The following PCDHGB6 variants were observed in gnomAD, a reference collection of about 807,000 sequenced individuals.
PCDHGB6 encodes the protein protocadherin gamma-B6.
In PCDHGB6, 51 loss-of-function variants were observed where a neutral mutation model predicts 59.1. The ratio of observed to expected loss-of-function variants is 0.86; its 90% CI spans 0.69 to 1.09. The LOEUF (loss-of-function observed/expected upper bound fraction) is 1.09, where lower values mean the gene tolerates loss of function less well. Among genes scored for constraint, PCDHGB6 ranks in the 50% least tolerant of loss-of-function variants. The pLI is 0.00. For synonymous variants in PCDHGB6, 466 were observed against 495.1 expected (o/e 0.94, Z 0.78); for missense variants, 1,148 against 1,205.1 (o/e 0.95, Z 0.70).
chr5:141,418,754 G>A (rs748707880), intron 1 of PCDHGB6: 1 of 1,613,926 alleles, frequency 6.2e-7, no homozygotes, highest in South Asian at 1.1e-5. Context: ...TTACACTACA[G>A]GAAACATTCT....
intron 1 of PCDHGB6, chr5:141,423,369 A>C: frequency 1.9e-6 from 3 of 1,614,104 alleles, no homozygotes; most frequent in Non-Finnish European, 2.5e-6. Flanking sequence ...TGCTGCTGGC[A>C]CTCAGGCTGT....
chr5:141,420,673 A>T (rs1244699899), intron 1 of PCDHGB6, among the ~76,000 whole-genome samples: 5 of 152,208 alleles, frequency 3.3e-5, no homozygotes, highest in Admixed American at 3.3e-4. Flanking sequence ...CTACCTGATG[A>T]TTTTATCGGG....
intron 1 of PCDHGB6, among the ~76,000 whole-genome samples, chr5:141,452,835 C>A (rs2098750110): frequency 6.6e-6 from 1 of 152,154 alleles, no homozygotes; most frequent in Admixed American, 6.5e-5. Flanking sequence ...TCACTTGGTC[C>A]AGCCCACACT....
chr5:141,474,518 G>T (rs1054372142), intron 1 of PCDHGB6, among the ~76,000 whole-genome samples: 1 of 152,168 alleles, frequency 6.6e-6, no homozygotes, highest in African/African-American at 2.4e-5. Context: ...CCTCTTGCTG[G>T]TCTGGCTAAT....
chr5:141,412,559 GTTTA>G (rs2095563108), intron 1 of PCDHGB6: 1 of 152,224 alleles, frequency 6.6e-6, no homozygotes, highest in Admixed American at 6.5e-5. Flanking sequence ...TATCTCATGA[GTTTA>G]TTTAATATAA....
At chr5:141,424,016 T>G in intron 1 of PCDHGB6, 16 of 1,038,360 alleles carry the variant, frequency 1.5e-5, no homozygotes, top group Non-Finnish European at 1.3e-5. Context: ...AAATTAATGA[T>G]TCACAAACAC....
At chr5:141,426,581 CCT>C (rs898552856) in intron 1 of PCDHGB6, 1 of 358,350 alleles carries the variant, frequency 2.8e-6, no homozygotes, top group Non-Finnish European at 5.6e-6. Flanking sequence ...TCTTCAAAAT[CCT>C]CTGTGTCATA....
chr5:141,509,421 A>T (rs939726886), intron 3 of PCDHGB6, among the ~76,000 whole-genome samples: 5 of 152,088 alleles, frequency 3.3e-5, no homozygotes, highest in Non-Finnish European at 1.5e-5. Context: ...AGCCCCAATG[A>T]GTCAAACTCT....
chr5:141,460,289 T>C, intron 1 of PCDHGB6, among the ~76,000 whole-genome samples: 1 of 152,148 alleles, frequency 6.6e-6, no homozygotes, highest in East Asian at 1.9e-4. Context: ...TTTGTATTTC[T>C]TATGTCCTAT....
chr5:141,415,081 C>A, intron 1 of PCDHGB6: 2 of 1,613,522 alleles, frequency 1.2e-6, no homozygotes, highest in Non-Finnish European at 1.7e-6. Flanking sequence ...GGCGCGAGCC[C>A]TGCTGGACAG....
At chr5:141,499,966 G>A (rs1403177792) in intron 2 of PCDHGB6, among the ~76,000 whole-genome samples, 1 of 151,988 alleles carries the variant, frequency 6.6e-6, no homozygotes, top group African/African-American at 2.4e-5. Flanking sequence ...GGGATTACAG[G>A]TGTGAGCCAC....
At chr5:141,434,830 C>A (rs7703679) in intron 1 of PCDHGB6, among the ~76,000 whole-genome samples, 45,467 of 151,546 alleles carry the variant, frequency 0.3, 8,050 homozygotes, top group African/African-American at 0.5. Flanking sequence ...GTACACTTGG[C>A]ATTTATAAAG....
intron 1 of PCDHGB6, chr5:141,478,676 G>A (rs540780497): frequency 6.4e-7 from 1 of 1,551,522 alleles, no homozygotes; most frequent in African/African-American, 1.4e-5. Flanking sequence ...CTTTCAACTG[G>A]CCCTTCCTAG....
Position 141,421,230 on chromosome 5 carries a change from G to A in PCDHGB6, c.2418+10610G>A, listed in dbSNP as rs530853994. 1.9e-6 allele frequency: 3 copies of A among 1,590,132 alleles called. No individual in the cohort carries two copies. The East Asian group carries it at 6.7e-5, about 36-fold the overall frequency. The stretch of plus-strand genomic sequence containing the variant: ...GGAATATCGGCTTAGAGCCTGCCAT[G>A]GCGAATCGGCTACAGCGCGGGGACC... On this transcript the variant is annotated intron_variant, in intron 1 of 3. Coordinates refer to ENST00000520790, the MANE Select transcript of PCDHGB6 (RefSeq NM_018926.3).
Position 141,409,704 on chromosome 5 carries a change from T to C in PCDHGB6, c.1502T>C (p.Val501Ala). ...IVASDLEPLA[V>A]SSYVSVSAQS... ...GCGAGTGACCTAGAGCCCCTGGCGG[T>C]GTCGTCATACGTGTCAGTGAGCGCG... The change falls in exon 1 of 4, where the codon GTG becomes GCG. Residue 501 changes from valine (V) to alanine (A), a missense_variant. This residue lies in a region of PCDHGB6 where 549 missense variants were observed against 527.5 expected (regional missense o/e 1.04). Transcript: ENST00000520790. 6.2e-7 allele frequency: 1 copy of C among 1,613,248 alleles called. No homozygotes were observed. Among genetic ancestry groups the C allele is most frequent in the South Asian group, 1.1e-5 (1 of 91,072 alleles).
intron 1 of PCDHGB6, among the ~76,000 whole-genome samples, chr5:141,481,171 C>G (rs927813327): frequency 6.6e-6 from 1 of 152,120 alleles, no homozygotes; most frequent in African/African-American, 2.4e-5. Flanking sequence ...AACCAGAATC[C>G]AGCTTTATTG....
Position 141,431,953 on chromosome 5 carries a change from C to G in PCDHGB6, c.2418+21333C>G. 1.2e-6 allele frequency: 2 copies of G among 1,614,082 alleles called. No individual in the cohort carries two copies. Among genetic ancestry groups the G allele is most frequent in the East Asian group, 4.5e-5 (2 of 44,886 alleles). ...TGCCCTTTAAATTAGAAAAATCTTA[C>G]GGAAATTACTATAGTTTAGTCACAG... On this transcript the variant is annotated intron_variant, in intron 1 of 3. Transcript: ENST00000520790. The surrounding 1 kb of genome is among the most constrained non-coding windows in gnomAD (Gnocchi z 4.8).
Position 141,490,896 on chromosome 5 carries a change from G to A in PCDHGB6, c.2419-3911G>A. 6.2e-7 allele frequency: 1 copy of A among 1,613,938 alleles called. No homozygotes were observed. Among genetic ancestry groups the A allele is most frequent in the Non-Finnish European group, 8.5e-7 (1 of 1,179,922 alleles). ...TGCATGCCAACACATCTCTGCATGTGTTTGTCCTAGACGAGAATGATAATG... is the reference window on the plus strand; with the variant it reads ...TGCATGCCAACACATCTCTGCATGTATTTGTCCTAGACGAGAATGATAATG... On this transcript the variant is annotated intron_variant, in intron 1 of 3. Coordinates refer to ENST00000520790, the MANE Select transcript of PCDHGB6 (RefSeq NM_018926.3). This position sits in a 1 kb window ranked among gnomAD's most constrained non-coding sequence, Gnocchi z 5.4.
At position 141,476,105 on chromosome 5, in the gene PCDHGB6, C is replaced by T; in HGVS notation, c.2419-18702C>T. ...ATCTGGACCCCGCTGAGAGGAACTG[C>T]TTTTGAGTGAGATGGTCCCAGAGGC... On this transcript the variant is annotated intron_variant, in intron 1 of 3. Coordinates refer to ENST00000520790, the MANE Select transcript of PCDHGB6 (RefSeq NM_018926.3). This position sits in a 1 kb window ranked among gnomAD's most constrained non-coding sequence, Gnocchi z 7.6. 2.5e-6 allele frequency: 4 copies of T among 1,585,450 alleles called. No homozygotes were observed. The highest frequency in any genetic ancestry group is 3.4e-6 in the Non-Finnish European group (4 of 1,168,874).
Sources: gnomAD v4.1 joint callset for allele counts (sites outside exome capture counted in the v4.1 genomes callset) on GRCh38, gnomAD v4.1.1 for gene constraint, gnomAD v4.1.1 regional missense constraint, Gnocchi (gnomAD v3.1) non-coding constraint, MANE v1.5 for transcripts, NCBI Gene and HGNC (gene_info 2026-07-23, HGNC 2026-07-21) for gene names.